BCKDHB: variants seen among roughly 807,000 people sequenced by gnomAD.
BCKDHB encodes branched chain keto acid dehydrogenase E1 subunit beta, also known as 2-oxoisovalerate dehydrogenase subunit beta, mitochondrial.
BCKDHB carries 41 observed loss-of-function variants against 48.5 expected under a neutral mutation model. The ratio of observed to expected loss-of-function variants is 0.85; its 90% CI spans 0.66 to 1.10. BCKDHB has a LOEUF of 1.10. Among genes scored for constraint, BCKDHB ranks in the 50% least tolerant of loss-of-function variants. The pLI, the probability that BCKDHB is intolerant of heterozygous loss-of-function variation, is 0.00. For synonymous variants in BCKDHB, 201 were observed against 174.8 expected (o/e 1.15, Z -1.18); for missense variants, 496 against 494.2 (o/e 1.00, Z -0.03).
the BCKDHB span, among the ~76,000 whole-genome samples, chr6:80,422,221 G>T: frequency 2.0e-4 from 30 of 152,338 alleles, no homozygotes; most frequent in South Asian, 6.0e-3. Context: ...GCTTCAGAGG[G>T]TACAAACCCA....
the BCKDHB span, among the ~76,000 whole-genome samples, chr6:80,399,266 G>GAGAA: frequency 6.6e-6 from 1 of 151,850 alleles, no homozygotes; most frequent in Admixed American, 6.6e-5. Flanking sequence ...AATCAGGCAA[G>GAGAA]AGAAAGAAAG....
At chr6:80,201,096 T>C (rs1466631928) in intron 7 of BCKDHB, 65 bp downstream of exon 7, 13 of 1,312,220 alleles carry the variant, frequency 9.9e-6, no homozygotes, top group Non-Finnish European at 1.2e-5. Context: ...TTTTAAATCC[T>C]GATACATGAA....
the BCKDHB span, among the ~76,000 whole-genome samples, chr6:80,372,882 T>C: frequency 5.3e-5 from 8 of 152,310 alleles, no homozygotes; most frequent in East Asian, 1.5e-3. Context: ...TGTATCTATG[T>C]TCATCAGGGA....
At chr6:80,423,655 G>T in the BCKDHB span, among the ~76,000 whole-genome samples, 1 of 152,094 alleles carries the variant, frequency 6.6e-6, no homozygotes, top group Non-Finnish European at 1.5e-5. Context: ...GGTTGATTTT[G>T]TAGAATATAT....
intron 9 of BCKDHB, among the ~76,000 whole-genome samples, chr6:80,281,168 T>C (rs1275761389): frequency 1.3e-5 from 2 of 152,076 alleles, no homozygotes; most frequent in Non-Finnish European, 2.9e-5. Flanking sequence ...CTTATACTGA[T>C]ATACTGGTGG....
the BCKDHB span, among the ~76,000 whole-genome samples, chr6:80,377,545 A>G: frequency 6.6e-6 from 1 of 152,084 alleles, no homozygotes; most frequent in African/African-American, 2.4e-5. Context: ...TAAGGGTCTC[A>G]TTTCATTCTT....
At position 80,343,682 on chromosome 6, in the gene BCKDHB, C is replaced by G. The variant is rs398124563; in HGVS notation, c.1057C>G (p.Leu353Val). ...TCTGCAGGAGGAATGTTTCTTGAAC[C>G]TAGAGGCTCCTATATCAAGAGTATG... is the stretch of plus-strand genomic sequence containing the variant. ...STVQEECFLN[L>V]EAPISRVCGY... Residue 353 changes from leucine (L) to valine (V), a missense_variant, in exon 10 of 10, where the codon CTA (leucine) becomes GTA (valine). By Grantham distance (32) the Leu-to-Val change is conservative. Coordinates refer to ENST00000320393, the MANE Select transcript of BCKDHB (RefSeq NM_183050.4). The G allele has an allele frequency of 3.1e-6, 5 of 1,613,948 alleles. No individual in the cohort carries two copies. Among genetic ancestry groups the G allele is most frequent in the Non-Finnish European group, 4.2e-6 (5 of 1,179,970 alleles).
At chr6:80,274,928 G>A (rs538821707) in intron 9 of BCKDHB, among the ~76,000 whole-genome samples, 1 of 152,020 alleles carries the variant, frequency 6.6e-6, no homozygotes, top group East Asian at 1.9e-4. Flanking sequence ...TTGAGAAGTA[G>A]TATATTAAGA....
At chr6:80,188,500 G>A (rs976179362) in intron 6 of BCKDHB, among the ~76,000 whole-genome samples, 1 of 152,088 alleles carries the variant, frequency 6.6e-6, no homozygotes, top group Non-Finnish European at 1.5e-5. Flanking sequence ...TTAGCCAGGT[G>A]TGGTGGTGTA....
intron 3 of BCKDHB, among the ~76,000 whole-genome samples, chr6:80,132,124 C>T (rs544227415): frequency 1.1e-4 from 17 of 151,336 alleles, no homozygotes; most frequent in Non-Finnish European, 2.2e-4. Flanking sequence ...GTTGTTTTTT[C>T]TTCTCTCTTC....
the BCKDHB span, among the ~76,000 whole-genome samples, chr6:80,451,329 T>C: frequency 2.0e-5 from 3 of 152,208 alleles, no homozygotes; most frequent in African/African-American, 7.2e-5. Flanking sequence ...TTCAACTTTT[T>C]AAAAGCTTTG....
At chr6:80,388,284 G>A in the BCKDHB span, among the ~76,000 whole-genome samples, 1 of 152,188 alleles carries the variant, frequency 6.6e-6, no homozygotes, top group African/African-American at 2.4e-5. Context: ...GATGTTTGAG[G>A]TGTCAGTGGC....
chr6:80,320,082 A>G (rs1159797915), intron 9 of BCKDHB, among the ~76,000 whole-genome samples: 1 of 152,206 alleles, frequency 6.6e-6, no homozygotes, highest in South Asian at 2.1e-4. Context: ...GCTTTTATAA[A>G]ACCATTATAA....
At chr6:80,153,490 TC>T (rs1389106620) in intron 3 of BCKDHB, among the ~76,000 whole-genome samples, 1 of 152,072 alleles carries the variant, frequency 6.6e-6, no homozygotes, top group Non-Finnish European at 1.5e-5. Flanking sequence ...AGTGAGATCT[TC>T]CAGCTGATGG....
chr6:80,289,371 A>G (rs1766795617), intron 9 of BCKDHB, among the ~76,000 whole-genome samples: 1 of 152,174 alleles, frequency 6.6e-6, no homozygotes, highest in Admixed American at 6.5e-5. Context: ...TGATTATCAA[A>G]CTGCACTGAT....
chr6:80,408,254 G>A, the BCKDHB span, among the ~76,000 whole-genome samples: 2 of 152,228 alleles, frequency 1.3e-5, no homozygotes, highest in African/African-American at 4.8e-5. Flanking sequence ...GATTTGGTTT[G>A]CCAGTATTTT....
intron 1 of BCKDHB, among the ~76,000 whole-genome samples, chr6:80,122,128 G>T (rs1046219830): frequency 6.6e-6 from 1 of 152,182 alleles, no homozygotes. Flanking sequence ...TTTTGTCATT[G>T]GTTCTGTTTA....
the BCKDHB span, among the ~76,000 whole-genome samples, chr6:80,372,074 T>C: frequency 6.6e-6 from 1 of 152,170 alleles, no homozygotes; most frequent in Non-Finnish European, 1.5e-5. Flanking sequence ...CTTTTGGCAG[T>C]ATGGTCATTT....
chr6:80,247,217 A>C (rs2127927245), intron 8 of BCKDHB, among the ~76,000 whole-genome samples: 1 of 152,370 alleles, frequency 6.6e-6, no homozygotes, highest in African/African-American at 2.4e-5. Flanking sequence ...GAAAATTATA[A>C]CTGAACAATA....
Sources: gnomAD v4.1 joint callset for allele counts (sites outside exome capture counted in the v4.1 genomes callset) on GRCh38, gnomAD v4.1.1 for gene constraint, MANE v1.5 for transcripts, NCBI Gene and HGNC (gene_info 2026-07-23, HGNC 2026-07-21) for gene names.